Variants in CWC27 observed in about 807,000 individuals in gnomAD.
The protein encoded by CWC27 is CWC27 spliceosome associated cyclophilin.
In CWC27, 47 loss-of-function variants were observed where a neutral mutation model predicts 63.6. That is an observed-to-expected ratio of 0.74 (90% CI 0.58 to 0.94). The LOEUF is 0.94. Ranked by LOEUF, CWC27 falls within the 40% of genes least tolerant of loss-of-function variation. The probability of loss-of-function intolerance (pLI) is 0.00; values close to 1 mark genes in which losing one functional copy is unlikely to be tolerated. For missense variants in CWC27, 495 were observed against 554.3 expected (o/e 0.89, Z 1.07); for synonymous variants, 175 against 179.8 (o/e 0.97, Z 0.22).
chr5:64,890,688 G>A (rs1033079985), intron 11 of CWC27, among the ~76,000 whole-genome samples: 5 of 152,012 alleles, frequency 3.3e-5, no homozygotes, highest in African/African-American at 1.2e-4. Flanking sequence ...TCTCAGGCCA[G>A]CCATCATTTT....
At chr5:64,870,238 T>G in intron 10 of CWC27, among the ~76,000 whole-genome samples, 1 of 152,116 alleles carries the variant, frequency 6.6e-6, no homozygotes. Context: ...ATGGAAATAT[T>G]AAGAAACCTT....
intron 13 of CWC27, among the ~76,000 whole-genome samples, chr5:65,007,232 C>T (rs543817103): frequency 6.6e-6 from 1 of 152,150 alleles, no homozygotes; most frequent in Non-Finnish European, 1.5e-5. Context: ...AATTGCAGCC[C>T]TGTGACATCT....
chr5:64,900,995 G>C (rs942066108), intron 11 of CWC27, among the ~76,000 whole-genome samples: 1 of 150,570 alleles, frequency 6.6e-6, no homozygotes, highest in Non-Finnish European at 1.5e-5. Flanking sequence ...AGACTTTTTT[G>C]TGATTTTTTT....
rs1471772868 is a variant in CWC27 at position 64,786,558 on chromosome 5, G to A, written c.530G>A (p.Arg177Lys). The change falls in exon 6 of 14, where the codon AGG (arginine) becomes AAG (lysine). Residue 177 changes from arginine (R) to lysine (K), a missense_variant. By Grantham distance (26) the Arg-to-Lys change is conservative. This residue lies in a region of CWC27 where 463 missense variants were observed against 498.1 expected (regional missense o/e 0.93). Coordinates refer to ENST00000381070, the MANE Select transcript of CWC27 (RefSeq NM_005869.4). ...LFNPFDDIIP[R>K]EIKRLKKEKP... ...AATCCTTTTGATGACATCATTCCAA[G>A]GGAAATTAAAAGGCTGAAAAAAGAG... The A allele has an allele frequency of 6.3e-7, 1 of 1,588,134 alleles. No individual in the cohort carries two copies. The highest frequency in any genetic ancestry group is 1.8e-5 in the Admixed American group (1 of 54,834).
At chr5:65,008,956 C>A (rs1749896821) in intron 13 of CWC27, among the ~76,000 whole-genome samples, 1 of 151,678 alleles carries the variant, frequency 6.6e-6, no homozygotes, top group African/African-American at 2.4e-5. Flanking sequence ...TTGTCTATGC[C>A]CATTTATATT....
rs181710659 is a variant in CWC27, at chr5:64,853,586, G to A, written c.939-31857G>A. ...GGAAAAGAGGTTTAATTTGCTTACA[G>A]TTCTGTAGGCTGTAAGCATGATATC... is the stretch of plus-strand genomic sequence containing the variant. On this transcript the variant is annotated intron_variant, in intron 10 of 13. Transcript: ENST00000381070. Among the ~76,000 whole-genome samples, 11 of 152,306 alleles carry A rather than the reference G, an allele frequency of 7.2e-5. No homozygotes were observed. The East Asian group carries it at 2.1e-3, about 29-fold the overall frequency.
At chr5:64,921,903 C>T (rs1277064125) in intron 11 of CWC27, among the ~76,000 whole-genome samples, 1 of 152,110 alleles carries the variant, frequency 6.6e-6, no homozygotes, top group East Asian at 1.9e-4. Context: ...TTTCATTTCT[C>T]CTTCGCTTAT....
chr5:64,782,471 TA>T (rs962046547), intron 3 of CWC27, among the ~76,000 whole-genome samples: 4 of 151,478 alleles, frequency 2.6e-5, no homozygotes, highest in African/African-American at 9.7e-5. Flanking sequence ...AATAAATAAA[TA>T]AATAAATAAA....
intron 10 of CWC27, among the ~76,000 whole-genome samples, chr5:64,882,017 C>T (rs1168929686): frequency 6.6e-6 from 1 of 152,158 alleles, no homozygotes; most frequent in Admixed American, 6.5e-5. Flanking sequence ...GCAGCGGCTA[C>T]CCAGTTCCAT....
intron 2 of CWC27, among the ~76,000 whole-genome samples, chr5:64,780,769 A>C (rs747010764): frequency 1.3e-5 from 2 of 151,682 alleles, no homozygotes; most frequent in Non-Finnish European, 2.9e-5. Flanking sequence ...AACTTTTTAC[A>C]CTATTTTATA....
intron 11 of CWC27, among the ~76,000 whole-genome samples, chr5:64,900,676 G>A (rs1333931199): frequency 6.6e-6 from 1 of 151,306 alleles, no homozygotes; most frequent in African/African-American, 2.4e-5. Flanking sequence ...TAGAAATTTT[G>A]TAGTTTTAAG....
At chr5:64,846,262 A>G (rs965054335) in intron 10 of CWC27, among the ~76,000 whole-genome samples, 2 of 152,256 alleles carry the variant, frequency 1.3e-5, no homozygotes, top group Non-Finnish European at 2.9e-5. Context: ...GGACTGTAAT[A>G]ATGGTGCATA....
intron 11 of CWC27, among the ~76,000 whole-genome samples, chr5:64,960,129 T>C (rs1748880094): frequency 6.6e-6 from 1 of 152,150 alleles, no homozygotes; most frequent in Non-Finnish European, 1.5e-5. Flanking sequence ...GGGCCTTTTT[T>C]TGAAGGATTT....
At chr5:64,855,594 A>G (rs918059470) in intron 10 of CWC27, among the ~76,000 whole-genome samples, 1 of 152,130 alleles carries the variant, frequency 6.6e-6, no homozygotes, top group African/African-American at 2.4e-5. Flanking sequence ...TACAGAAGTA[A>G]ATGTTTGTTG....
Position 64,882,157 on chromosome 5 carries a change from A to C in CWC27, c.939-3286A>C, listed in dbSNP as rs1746954664. ...AAACTAGGCATTGATGGTTAAAGTCAAGAGGAGCTGTTATATGTGAGAGAG... is the reference window on the plus strand; with the variant it reads ...AAACTAGGCATTGATGGTTAAAGTCCAGAGGAGCTGTTATATGTGAGAGAG... On this transcript the variant is annotated intron_variant, in intron 10 of 13. Transcript: ENST00000381070. Among the ~76,000 whole-genome samples the C allele has an allele frequency of 2.0e-5, 3 of 152,222 alleles. No homozygotes were observed. In the South Asian group the frequency reaches 6.2e-4, roughly 31 times the overall value.
Position 64,781,931 on chromosome 5 carries a change from C to A in CWC27, c.150C>A (p.Asp50Glu). The A allele has an allele frequency of 1.3e-6, 2 of 1,551,526 alleles. No individual in the cohort carries two copies. The highest frequency in any genetic ancestry group is 1.2e-5 in the South Asian group (1 of 85,906). ...FIQLCLEAYY[D>E]NTIFHRVVPG... Reference sequence around the variant, plus strand: ...TTATTTTTTTTTCAGCTTATTATGACAATACCATTTTTCATAGAGTTGTGC... The same window carrying A: ...TTATTTTTTTTTCAGCTTATTATGAAAATACCATTTTTCATAGAGTTGTGC... Residue 50 changes from aspartate to glutamate, a missense_variant, in exon 3 of 14, where the codon GAC becomes GAA. Around this residue, in one of 3 missense-constraint regions of CWC27, gnomAD observed 463 missense variants for 498.1 expected, o/e 0.93. Transcript: ENST00000381070.
intron 10 of CWC27, among the ~76,000 whole-genome samples, chr5:64,813,006 A>G (rs1340258870): frequency 6.6e-6 from 1 of 152,170 alleles, no homozygotes; most frequent in Non-Finnish European, 1.5e-5. Context: ...CAGCAATTTC[A>G]TATGTATGAC....
chr5:64,979,087 T>C (rs1338720992), intron 13 of CWC27, among the ~76,000 whole-genome samples: 1 of 152,220 alleles, frequency 6.6e-6, no homozygotes, highest in East Asian at 1.9e-4. Flanking sequence ...TTTCATGTTA[T>C]TTGATTATAC....
intron 13 of CWC27, among the ~76,000 whole-genome samples, chr5:64,989,323 G>A (rs1749493095): frequency 6.6e-6 from 1 of 152,124 alleles, no homozygotes. Flanking sequence ...ATGCCAAATT[G>A]TCTCATGTAG....
Sources: allele counts gnomAD v4.1 joint callset (sites outside exome capture counted in the v4.1 genomes callset), GRCh38; gene constraint gnomAD v4.1.1; regional missense constraint gnomAD v4.1.1; transcripts MANE v1.5; gene names NCBI Gene and HGNC (gene_info 2026-07-23, HGNC 2026-07-21).